VPS13A: variants seen among roughly 807,000 people sequenced by gnomAD.
VPS13A encodes vacuolar protein sorting 13 homolog A.
In VPS13A, 264 loss-of-function variants were observed where a neutral mutation model predicts 390.9. That is an observed-to-expected ratio of 0.68 (90% CI 0.61 to 0.75). The LOEUF is 0.75. VPS13A is among the 30% of genes least tolerant of loss of function. VPS13A has a pLI of 0.00. For synonymous variants in VPS13A, 1,231 were observed against 1,227.1 expected, an observed-to-expected ratio of 1.00 and a Z score of -0.07; for missense variants, 3,409 against 3,733.9, an observed-to-expected ratio of 0.91 and a Z score of 2.27.
intron 68 of VPS13A, among the ~76,000 whole-genome samples, chr9:77,392,702 G>A (rs968847231): frequency 2.7e-5 from 4 of 150,300 alleles, no homozygotes; most frequent in Non-Finnish European, 4.4e-5. Context: ...GTACAATCAC[G>A]TCGTTAAAAA....
intron 1 of VPS13A, among the ~76,000 whole-genome samples, chr9:77,189,312 T>C (rs1271269629): frequency 6.6e-6 from 1 of 152,146 alleles, no homozygotes; most frequent in Admixed American, 6.5e-5. Context: ...GGATCCAGTT[T>C]CAGTCTTCTG....
chr9:77,333,245 TAGAGA>T (rs998358960), intron 46 of VPS13A, among the ~76,000 whole-genome samples: 78 of 152,310 alleles, frequency 5.1e-4, no homozygotes, highest in African/African-American at 1.8e-3. Context: ...CTGTCCATAG[TAGAGA>T]AAACAGTACC....
intron 19 of VPS13A, among the ~76,000 whole-genome samples, chr9:77,238,675 T>C (rs151247537): frequency 6.6e-6 from 1 of 152,328 alleles, no homozygotes; most frequent in Non-Finnish European, 1.5e-5. Context: ...CTCGTTTTCC[T>C]TTCTTAGAAT....
chr9:77,248,786 C>T (rs1055964807), intron 20 of VPS13A, among the ~76,000 whole-genome samples: 2 of 152,058 alleles, frequency 1.3e-5, no homozygotes, highest in Non-Finnish European at 2.9e-5. Flanking sequence ...GGCTGGAGTG[C>T]GGTGGCGTGA....
chr9:77,286,018 G>A (rs1827302321), intron 31 of VPS13A, among the ~76,000 whole-genome samples: 1 of 152,144 alleles, frequency 6.6e-6, no homozygotes, highest in Non-Finnish European at 1.5e-5. Context: ...AAATCTCAGG[G>A]CACAGTGAGA....
At chr9:77,339,022 T>G (rs1392975474) in intron 47 of VPS13A, 1 of 172,936 alleles carries the variant, frequency 5.8e-6, no homozygotes, top group Non-Finnish European at 1.2e-5. Flanking sequence ...ATGAGCAGTT[T>G]GGAGAGATAC....
intron 60 of VPS13A, among the ~76,000 whole-genome samples, chr9:77,366,423 T>C (rs1372299891): frequency 6.6e-6 from 1 of 152,134 alleles, no homozygotes; most frequent in Non-Finnish European, 1.5e-5. Flanking sequence ...TTTCAACAGC[T>C]TCAACTTTTA....
Position 77,345,098 on chromosome 9 carries a change from C to G in VPS13A, c.7245C>G (p.Leu2415=). Residue 2415 remains leucine (L), a synonymous_variant, in exon 52 of 72, where the codon CTC becomes CTG. Transcript: ENST00000360280. The part of the protein sequence containing the change: ...LDYHDGAATF[L]LINHTKNELV... Reference sequence around the variant, plus strand: ...ATCATGATGGAGCAGCTACATTCCTCTTAATAAATCACACAAAGAATGAAC... The same window carrying G: ...ATCATGATGGAGCAGCTACATTCCTGTTAATAAATCACACAAAGAATGAAC... 1 of 1,613,180 alleles carries G rather than the reference C, an allele frequency of 6.2e-7. No homozygotes were observed. Among genetic ancestry groups the G allele is most frequent in the South Asian group, 1.1e-5 (1 of 91,064 alleles).
chr9:77,286,712 C>T (rs1442455752), intron 31 of VPS13A, among the ~76,000 whole-genome samples: 2 of 152,128 alleles, frequency 1.3e-5, no homozygotes, highest in Non-Finnish European at 2.9e-5. Context: ...GTAGACATCA[C>T]AGTTGATGGT....
At chr9:77,307,545 TG>T (rs1210311725) in intron 34 of VPS13A, among the ~76,000 whole-genome samples, 1 of 152,226 alleles carries the variant, frequency 6.6e-6, no homozygotes, top group African/African-American at 2.4e-5. Flanking sequence ...TAAAACACAT[TG>T]TGAACTCTAA....
intron 5 of VPS13A, among the ~76,000 whole-genome samples, chr9:77,206,903 A>G (rs1157517349): frequency 2.0e-5 from 3 of 152,080 alleles, no homozygotes; most frequent in African/African-American, 7.2e-5. Flanking sequence ...TTGTTGGCAA[A>G]CATTAATAGA....
chr9:77,225,701 T>C (rs544851611), intron 13 of VPS13A, among the ~76,000 whole-genome samples: 12 of 152,214 alleles, frequency 7.9e-5, no homozygotes, highest in Non-Finnish European at 1.6e-4. Context: ...ATATGTATTA[T>C]TTCATTTTTC....
intron 68 of VPS13A, chr9:77,385,220 A>T (rs1430228738): frequency 2.3e-6 from 2 of 864,200 alleles, no homozygotes; most frequent in Non-Finnish European, 2.8e-6. Flanking sequence ...TCTATCCCCA[A>T]ATCATATAGA....
At chr9:77,407,731 T>TA in intron 71 of VPS13A, 124 bp downstream of exon 71, 1 of 806,616 alleles carries the variant, frequency 1.2e-6, no homozygotes, top group Non-Finnish European at 2.0e-6. Flanking sequence ...GCTTTTGTGT[T>TA]TTGGCAGGTT....
intron 46 of VPS13A, 98 bp downstream of exon 46, chr9:77,332,211 A>G: frequency 1.1e-6 from 1 of 907,496 alleles, no homozygotes; most frequent in Non-Finnish European, 1.8e-6. Flanking sequence ...CATCCTGCTA[A>G]TAGCTTATCT....
intron 35 of VPS13A, 130 bp from the exon 36 acceptor site, chr9:77,313,862 A>G (rs1467797375): frequency 5.8e-6 from 6 of 1,036,854 alleles, no homozygotes; most frequent in Non-Finnish European, 8.3e-6. Flanking sequence ...TGAATTTTCT[A>G]ATATTTTATT....
At chr9:77,347,247 T>C (rs1831205672) in intron 52 of VPS13A, among the ~76,000 whole-genome samples, 1 of 152,216 alleles carries the variant, frequency 6.6e-6, no homozygotes, top group Admixed American at 6.5e-5. Flanking sequence ...TTTATGGGAA[T>C]TGCATTGAAT....
At chr9:77,293,111 A>T (rs892171242) in intron 31 of VPS13A, among the ~76,000 whole-genome samples, 1 of 152,092 alleles carries the variant, frequency 6.6e-6, no homozygotes, top group African/African-American at 2.4e-5. Flanking sequence ...CACACCTACT[A>T]CCTTGATTTT....
At chr9:77,199,122 C>T (rs1825177960) in intron 1 of VPS13A, among the ~76,000 whole-genome samples, 1 of 152,060 alleles carries the variant, frequency 6.6e-6, no homozygotes, top group African/African-American at 2.4e-5. Flanking sequence ...CTGTTTTACC[C>T]CTTAGTGCCT....
Sources: allele counts gnomAD v4.1 joint callset (sites outside exome capture counted in the v4.1 genomes callset), GRCh38; gene constraint gnomAD v4.1.1; transcripts MANE v1.5; gene names NCBI Gene and HGNC (gene_info 2026-07-23, HGNC 2026-07-21).